The following PKN2 variants were observed in gnomAD, a reference collection of about 807,000 sequenced individuals.
PKN2 encodes serine/threonine-protein kinase N2.
A neutral mutation model predicts 119.1 loss-of-function variants in PKN2; 38 were observed. The observed-to-expected ratio is 0.32, with a 90% confidence interval of 0.25 to 0.42. PKN2 has a LOEUF of 0.42. Ranked by LOEUF, PKN2 falls within the 10% of genes least tolerant of loss-of-function variation. The pLI, the probability that PKN2 is intolerant of heterozygous loss-of-function variation, is 1.00. For synonymous variants in PKN2, 390 were observed against 384.9 expected (o/e 1.01, Z -0.15); for missense variants, 850 against 1,165.1 (o/e 0.73, Z 3.94).
chr1:88,770,731 G>A (rs1372509104), intron 4 of PKN2, among the ~76,000 whole-genome samples: 3 of 151,306 alleles, frequency 2.0e-5, no homozygotes, highest in East Asian at 3.9e-4. Flanking sequence ...GACTACAGGC[G>A]TCCGCCACTA....
intron 6 of PKN2, among the ~76,000 whole-genome samples, chr1:88,779,373 ACTGT>A (rs928784344): frequency 3.3e-5 from 5 of 149,324 alleles, no homozygotes; most frequent in African/African-American, 9.8e-5. Flanking sequence ...CTGTGAAGAG[ACTGT>A]CTTTGTACTT....
intron 3 of PKN2, among the ~76,000 whole-genome samples, chr1:88,766,162 T>C (rs1669661056): frequency 6.6e-6 from 1 of 152,220 alleles, no homozygotes; most frequent in Admixed American, 6.5e-5. Flanking sequence ...AACTTCCTAG[T>C]GCATATAATA....
chr1:88,744,335 A>G (rs1668686210), intron 2 of PKN2, among the ~76,000 whole-genome samples: 1 of 152,222 alleles, frequency 6.6e-6, no homozygotes, highest in Non-Finnish European at 1.5e-5. Context: ...AAGCTTAGTA[A>G]GCAGAACAAA....
intron 6 of PKN2, among the ~76,000 whole-genome samples, chr1:88,774,108 A>C (rs969122444): frequency 1.2e-4 from 19 of 152,316 alleles, no homozygotes; most frequent in African/African-American, 4.6e-4. Flanking sequence ...GGCTCACTGC[A>C]GCGAAAAGAA....
intron 1 of PKN2, among the ~76,000 whole-genome samples, chr1:88,689,965 A>G (rs527352719): frequency 1.3e-5 from 2 of 152,240 alleles, no homozygotes; most frequent in African/African-American, 4.8e-5. Flanking sequence ...TTTGCAGCGC[A>G]TACTTTGCTG....
chr1:88,746,246 G>A (rs1668765585), intron 2 of PKN2, among the ~76,000 whole-genome samples: 1 of 151,982 alleles, frequency 6.6e-6, no homozygotes, highest in Non-Finnish European at 1.5e-5. Flanking sequence ...AAAAGCAGAG[G>A]CAAAAGCAAA....
intron 1 of PKN2, among the ~76,000 whole-genome samples, chr1:88,718,401 G>C (rs1270873753): frequency 1.3e-5 from 2 of 152,176 alleles, no homozygotes; most frequent in Admixed American, 1.3e-4. Flanking sequence ...CCTTTGTTCA[G>C]CTATTCCCTG....
At chr1:88,803,320 T>G (rs1215751894) in intron 8 of PKN2, among the ~76,000 whole-genome samples, 1 of 152,210 alleles carries the variant, frequency 6.6e-6, no homozygotes, top group African/African-American at 2.4e-5. Context: ...TAATTTAAGG[T>G]CAATAGATTT....
intron 1 of PKN2, among the ~76,000 whole-genome samples, chr1:88,734,839 C>A (rs965968737): frequency 6.6e-6 from 1 of 151,966 alleles, no homozygotes. Context: ...TGATAGCAAC[C>A]CAACTTTGAT....
intron 3 of PKN2, among the ~76,000 whole-genome samples, chr1:88,767,355 C>T (rs972285971): frequency 6.6e-6 from 1 of 152,084 alleles, no homozygotes; most frequent in African/African-American, 2.4e-5. Context: ...ATACATTTGT[C>T]CCATTAAATT....
At chr1:88,722,759 G>T (rs1183068626) in intron 1 of PKN2, among the ~76,000 whole-genome samples, 1 of 151,568 alleles carries the variant, frequency 6.6e-6, no homozygotes, top group Admixed American at 6.6e-5. Context: ...CTCTAGCTTG[G>T]GTGACAGTGC....
intron 3 of PKN2, among the ~76,000 whole-genome samples, chr1:88,764,738 G>A (rs1231643161): frequency 6.6e-6 from 1 of 152,118 alleles, no homozygotes; most frequent in African/African-American, 2.4e-5. Flanking sequence ...TCTGAGGAAT[G>A]GGATGCAGTT....
chr1:88,815,955 C>T (rs1317655231), intron 16 of PKN2, among the ~76,000 whole-genome samples: 1 of 152,052 alleles, frequency 6.6e-6, no homozygotes, highest in East Asian at 1.9e-4. Flanking sequence ...GCCTGGCCAA[C>T]ATGGTGAAAC....
chr1:88,770,345 T>G lies in PKN2; in HGVS notation c.505-7T>G. 1 of 1,563,190 alleles carries G rather than the reference T, an allele frequency of 6.4e-7. No homozygotes were observed. The highest frequency in any genetic ancestry group is 1.1e-5 in the South Asian group (1 of 89,844). On this transcript the variant is annotated splice_region_variant and splice_polypyrimidine_tract_variant and intron_variant, in intron 3 of 21. Transcript: ENST00000370521. ...TGCTTAATTTTTCAAACTTATTTTTTTAATAGGATCGGAAACTCCATGGTA... is the reference window on the plus strand; with the variant it reads ...TGCTTAATTTTTCAAACTTATTTTTGTAATAGGATCGGAAACTCCATGGTA...
intron 2 of PKN2, 118 bp downstream of exon 2, chr1:88,741,406 C>T: frequency 1.6e-6 from 1 of 609,152 alleles, no homozygotes; most frequent in Non-Finnish European, 2.6e-6. Context: ...AGTAGAGAGA[C>T]TTTTTCTCTT....
rs896526441 is a variant in PKN2 at position 88,835,258 on chromosome 1, C to T, written c.*1810C>T. The T allele has an allele frequency of 2.6e-5, 4 of 152,326 alleles. No homozygotes were observed. Among genetic ancestry groups the T allele is most frequent in the African/African-American group, 4.8e-5 (2 of 41,400 alleles). The allele number at this position is 152,326 out of a possible 1,614,324, so 9.4% of individuals were successfully genotyped here. A position where few individuals can be genotyped will look rare whatever the true frequency, so the allele number is the denominator to read the frequency against. On this transcript the variant is annotated 3_prime_UTR_variant, in exon 22 of 22. Transcript: ENST00000370521. ...ATTTTAAAATGCCAGTTAATTTCCT[C>T]GGCAAAGGACAATAGAGGAACTTAG...
At chr1:88,765,395 A>G (rs1175344014) in intron 3 of PKN2, among the ~76,000 whole-genome samples, 2 of 152,094 alleles carry the variant, frequency 1.3e-5, no homozygotes, top group East Asian at 1.9e-4. Context: ...AGTGTTTCCC[A>G]AGCCTCCACA....
Position 88,771,668 on chromosome 1 carries a change from A to C in PKN2, c.774A>C (p.Gln258His). The change falls in exon 6 of 22, where the codon CAA (glutamine) becomes CAC (histidine). Residue 258 changes from glutamine (Q) to histidine (H), a missense_variant. Gln to His is a conservative substitution (Grantham distance 24, BLOSUM62 0). Transcript: ENST00000370521. ...VTDRKALSEAQARFNESSQKL... is the reference protein window; with the variant it reads ...VTDRKALSEAHARFNESSQKL... The stretch of plus-strand genomic sequence containing the variant: ...TTGTCTTTTCCCTGTGCAAGGCTCA[A>C]GCAAGATTTAATGAATCAAGTCAGA... The C allele has an allele frequency of 1.9e-6, 3 of 1,613,544 alleles. No homozygotes were observed. In the South Asian group the frequency reaches 3.3e-5, roughly 18 times the overall value.
chr1:88,729,120 C>G (rs575153711), intron 1 of PKN2, among the ~76,000 whole-genome samples: 7 of 152,126 alleles, frequency 4.6e-5, no homozygotes, highest in African/African-American at 1.2e-4. Context: ...TCTTGAACTC[C>G]TGACCTCAGG....
Sources: allele counts gnomAD v4.1 joint callset (sites outside exome capture counted in the v4.1 genomes callset), GRCh38; gene constraint gnomAD v4.1.1; transcripts MANE v1.5; gene names NCBI Gene and HGNC (gene_info 2026-07-23, HGNC 2026-07-21).